The following PARD3B variants were observed in gnomAD, a reference collection of about 807,000 sequenced individuals.
The protein encoded by PARD3B is par-3 family cell polarity regulator beta, also known as partitioning defective 3 homolog B.
Under a neutral mutation model 130.2 loss-of-function variants are expected in PARD3B, and 103 were observed. The observed-to-expected ratio is 0.79, with a 90% CI of 0.67 to 0.93. The LOEUF is 0.93. Ranked by LOEUF, PARD3B falls within the 40% of genes least tolerant of loss-of-function variation. PARD3B has a pLI of 0.00. For synonymous variants in PARD3B, 583 were observed against 553.2 expected (o/e 1.05, Z -0.76); for missense variants, 1,609 against 1,499.2 (o/e 1.07, Z -1.21).
At chr2:205,499,712 G>T (rs774575177) in intron 20 of PARD3B, among the ~76,000 whole-genome samples, 184 bp from the exon 21 acceptor site, 1 of 152,082 alleles carries the variant, frequency 6.6e-6, no homozygotes, top group African/African-American at 2.4e-5. Flanking sequence ...GGAACTAAAG[G>T]TAGGCACGTA....
chr2:204,892,645 A>G (rs2046492699), intron 2 of PARD3B, among the ~76,000 whole-genome samples: 1 of 152,162 alleles, frequency 6.6e-6, no homozygotes, highest in Non-Finnish European at 1.5e-5. Flanking sequence ...GGAAGTGTCA[A>G]ATGGTTTGGA....
Position 205,550,179 on chromosome 2 carries a change from G to A in PARD3B, c.3181-3145G>A, listed in dbSNP as rs2052556597. Among the ~76,000 whole-genome samples, 1 of 152,062 alleles carries A rather than the reference G, an allele frequency of 6.6e-6. No homozygotes were observed. The highest frequency in any genetic ancestry group is 1.5e-5 in the Non-Finnish European group (1 of 68,022). ...ACTACTCCTACACCCTTCTGCCCCA[G>A]AAAAACTCCTCCTCATCCATATTCA... On this transcript the variant is annotated intron_variant, in intron 21 of 22. Coordinates refer to ENST00000406610, the MANE Select transcript of PARD3B (RefSeq NM_001302769.2). The surrounding 1 kb of genome is among the most constrained non-coding windows in gnomAD (Gnocchi z 4.5).
At chr2:205,599,600 G>C (rs1030643184) in intron 22 of PARD3B, among the ~76,000 whole-genome samples, 22 of 152,314 alleles carry the variant, frequency 1.4e-4, no homozygotes, top group Admixed American at 1.0e-3. Flanking sequence ...ATTTAGGAAT[G>C]TTGGTTTTGT....
intron 1 of PARD3B, among the ~76,000 whole-genome samples, chr2:204,626,977 G>A (rs1429940999): frequency 1.3e-5 from 2 of 152,122 alleles, no homozygotes; most frequent in African/African-American, 4.8e-5. Context: ...TCAAGGGAGG[G>A]AGGTGATTGG....
chr2:204,592,967 T>G (rs530116363), intron 1 of PARD3B, among the ~76,000 whole-genome samples: 1 of 152,238 alleles, frequency 6.6e-6, no homozygotes, highest in Non-Finnish European at 1.5e-5. Flanking sequence ...ATTTATTCCC[T>G]TTTATGGCTG....
chr2:204,830,427 T>A (rs2043773230), intron 2 of PARD3B, among the ~76,000 whole-genome samples: 1 of 152,200 alleles, frequency 6.6e-6, no homozygotes, highest in Non-Finnish European at 1.5e-5. Context: ...TTTAGCTATA[T>A]TAAGATACCT....
chr2:205,181,704 G>T (rs555269473), intron 13 of PARD3B, among the ~76,000 whole-genome samples: 300 of 152,220 alleles, frequency 2.0e-3, no homozygotes, highest in African/African-American at 7.0e-3. Context: ...ATGTGGCCTT[G>T]GTAGGATAGA....
intron 18 of PARD3B, among the ~76,000 whole-genome samples, chr2:205,379,662 C>T (rs542943731): frequency 1.3e-5 from 2 of 152,046 alleles, no homozygotes; most frequent in African/African-American, 4.8e-5. Context: ...TTACTATGTA[C>T]CATCCTAGTA....
intron 3 of PARD3B, among the ~76,000 whole-genome samples, chr2:204,998,870 C>T (rs1468402002): frequency 5.9e-5 from 9 of 152,204 alleles, no homozygotes; most frequent in South Asian, 2.1e-4. Flanking sequence ...TGCGCCAACA[C>T]GCCCAGCTGA....
chr2:204,990,004 G>A (rs1262426112), intron 3 of PARD3B, among the ~76,000 whole-genome samples: 1 of 152,138 alleles, frequency 6.6e-6, no homozygotes, highest in East Asian at 1.9e-4. Flanking sequence ...ATGCCAAATT[G>A]CTTCCCACAG....
chr2:205,522,739 C>A (rs1575242330), intron 21 of PARD3B, among the ~76,000 whole-genome samples: 1 of 152,016 alleles, frequency 6.6e-6, no homozygotes, highest in African/African-American at 2.4e-5. Context: ...ATTATACACA[C>A]AATAAATTTT....
chr2:204,817,323 G>C (rs1028607407), intron 2 of PARD3B, among the ~76,000 whole-genome samples: 1 of 151,502 alleles, frequency 6.6e-6, no homozygotes. Flanking sequence ...TTCCTATAAA[G>C]GTCCTAGATC....
At chr2:204,928,425 A>G (rs1242252733) in intron 2 of PARD3B, among the ~76,000 whole-genome samples, 2 of 152,186 alleles carry the variant, frequency 1.3e-5, no homozygotes, top group African/African-American at 2.4e-5. Context: ...TCAAAATTCC[A>G]TTGCAAAGGG....
intron 11 of PARD3B, among the ~76,000 whole-genome samples, chr2:205,164,484 A>T (rs1455368978): frequency 6.6e-6 from 1 of 152,072 alleles, no homozygotes; most frequent in South Asian, 2.1e-4. Context: ...AAAAAATCCC[A>T]TAATTCCAGC....
chr2:205,355,664 T>C (rs1443554641), intron 18 of PARD3B, among the ~76,000 whole-genome samples: 1 of 152,162 alleles, frequency 6.6e-6, no homozygotes, highest in Non-Finnish European at 1.5e-5. Flanking sequence ...CCAAATAATT[T>C]GCATATTATA....
intron 2 of PARD3B, among the ~76,000 whole-genome samples, chr2:204,748,677 T>C (rs2040344034): frequency 6.6e-6 from 1 of 151,986 alleles, no homozygotes; most frequent in Non-Finnish European, 1.5e-5. Flanking sequence ...GGGTGTGGAG[T>C]AGGGTATGAG....
chr2:204,622,149 A>C (rs2034325010), intron 1 of PARD3B, among the ~76,000 whole-genome samples: 1 of 152,198 alleles, frequency 6.6e-6, no homozygotes, highest in African/African-American at 2.4e-5. Flanking sequence ...CTTTCTAATT[A>C]GATAGACAGG....
chr2:204,961,061 C>T (rs375184994), intron 2 of PARD3B, among the ~76,000 whole-genome samples: 4 of 152,022 alleles, frequency 2.6e-5, no homozygotes, highest in Admixed American at 6.6e-5. Context: ...GAACAAGGGG[C>T]GGGATCAGCA....
rs2052558103 is a variant in PARD3B, at chr2:205,550,221, T to C, written c.3181-3103T>C. ...CCATATTCAGGTTTGAGATGACGCT[T>C]CAACACCCGTATGACGCTGTCTTCA... On this transcript the variant is annotated intron_variant, in intron 21 of 22. Coordinates refer to ENST00000406610, the MANE Select transcript of PARD3B (RefSeq NM_001302769.2). This position sits in a 1 kb window ranked among gnomAD's most constrained non-coding sequence, Gnocchi z 4.5. Among the ~76,000 whole-genome samples, 1 of 152,164 alleles carries C rather than the reference T, an allele frequency of 6.6e-6. No individual in the cohort carries two copies.
Sources: allele counts gnomAD v4.1 joint callset (sites outside exome capture counted in the v4.1 genomes callset), GRCh38; gene constraint gnomAD v4.1.1; non-coding constraint Gnocchi (gnomAD v3.1); transcripts MANE v1.5; gene names NCBI Gene and HGNC (gene_info 2026-07-23, HGNC 2026-07-21).